CACNA1E: variants seen among roughly 807,000 people sequenced by gnomAD.
The protein encoded by CACNA1E is calcium voltage-gated channel subunit alpha1 E, also known as voltage-dependent R-type calcium channel subunit alpha-1E.
In CACNA1E, 40 loss-of-function variants were observed where a neutral mutation model predicts 259.2. The observed-to-expected ratio is 0.15, with a 90% confidence interval of 0.12 to 0.20. The LOEUF (loss-of-function observed/expected upper bound fraction) is 0.20. CACNA1E is among the 10% of genes least tolerant of loss of function. CACNA1E has a pLI of 1.00. For synonymous variants in CACNA1E, 1,104 were observed against 1,138.5 expected, an observed-to-expected ratio of 0.97 and a Z score of 0.61; for missense variants, 1,874 against 3,040.1, an observed-to-expected ratio of 0.62 and a Z score of 9.02.
intron 2 of CACNA1E, among the ~76,000 whole-genome samples, chr1:181,468,304 G>C (rs939424754): frequency 1.3e-5 from 2 of 152,170 alleles, no homozygotes; most frequent in Admixed American, 1.3e-4. Flanking sequence ...TTAGGTTTGC[G>C]AGTTGCACTT....
chr1:181,333,804 T>TACC (rs1339143682), intron 1 of CACNA1E, among the ~76,000 whole-genome samples: 1 of 152,108 alleles, frequency 6.6e-6, no homozygotes, highest in Non-Finnish European at 1.5e-5. Context: ...TACAGGCATG[T>TACC]ACCACCACGC....
intron 1 of CACNA1E, among the ~76,000 whole-genome samples, chr1:181,347,174 C>T (rs1366728236): frequency 6.6e-6 from 1 of 152,174 alleles, no homozygotes; most frequent in Admixed American, 6.5e-5. Flanking sequence ...CTACTGTATG[C>T]GCACCAGGAT....
At chr1:181,538,154 T>G (rs1668313482) in intron 3 of CACNA1E, among the ~76,000 whole-genome samples, 1 of 152,206 alleles carries the variant, frequency 6.6e-6, no homozygotes, top group Admixed American at 6.5e-5. Flanking sequence ...CAGCTCAATA[T>G]TTAAAATTTT....
chr1:181,330,562 C>T (rs924944080), intron 1 of CACNA1E, among the ~76,000 whole-genome samples: 3 of 152,224 alleles, frequency 2.0e-5, no homozygotes, highest in Non-Finnish European at 4.4e-5. Context: ...TGTTCTGTCC[C>T]CCTTGGGTGG....
intron 6 of CACNA1E, among the ~76,000 whole-genome samples, chr1:181,606,034 C>T (rs995669114): frequency 1.3e-5 from 2 of 152,114 alleles, no homozygotes; most frequent in Non-Finnish European, 2.9e-5. Context: ...GGTGCCATTA[C>T]ACCGTCCTGT....
At chr1:181,455,675 G>A (rs1661418812) in intron 2 of CACNA1E, among the ~76,000 whole-genome samples, 1 of 152,156 alleles carries the variant, frequency 6.6e-6, no homozygotes, top group African/African-American at 2.4e-5. Flanking sequence ...GTCAAAAACA[G>A]GCATACAAGA....
intron 3 of CACNA1E, among the ~76,000 whole-genome samples, chr1:181,554,549 C>T (rs79146144): frequency 3.3e-5 from 5 of 152,274 alleles, no homozygotes; most frequent in Non-Finnish European, 5.9e-5. Flanking sequence ...CAAGAAATCT[C>T]ATGCTAATTC....
At chr1:181,589,695 C>T (rs1001050962) in intron 6 of CACNA1E, among the ~76,000 whole-genome samples, 27 of 151,944 alleles carry the variant, frequency 1.8e-4, no homozygotes, top group African/African-American at 6.5e-4. Flanking sequence ...CATAGGTCAG[C>T]CTGGGCAACA....
chr1:181,682,216 C>T (rs1010565226), intron 7 of CACNA1E, among the ~76,000 whole-genome samples: 1 of 152,132 alleles, frequency 6.6e-6, no homozygotes, highest in Non-Finnish European at 1.5e-5. Flanking sequence ...ACACTGGGAC[C>T]CCGTGTGACC....
chr1:181,329,110 C>T (rs528835921), intron 1 of CACNA1E, among the ~76,000 whole-genome samples: 9 of 152,216 alleles, frequency 5.9e-5, no homozygotes, highest in South Asian at 4.2e-4. Flanking sequence ...TTCATCCACC[C>T]GCAAGTCCAG....
chr1:181,512,915 A>G (rs1666268994), intron 3 of CACNA1E, among the ~76,000 whole-genome samples: 1 of 152,226 alleles, frequency 6.6e-6, no homozygotes, highest in African/African-American at 2.4e-5. Flanking sequence ...TAATGTTGCA[A>G]ATGTCCCTAA....
intron 6 of CACNA1E, among the ~76,000 whole-genome samples, chr1:181,589,530 G>C (rs1266547136): frequency 6.6e-6 from 1 of 152,018 alleles, no homozygotes; most frequent in Non-Finnish European, 1.5e-5. Context: ...GAGATCTCTG[G>C]GAGGATTGAG....
intron 1 of CACNA1E, among the ~76,000 whole-genome samples, chr1:181,497,965 G>A (rs1664911443): frequency 6.6e-6 from 1 of 152,008 alleles, no homozygotes. Flanking sequence ...TTGCTATTTT[G>A]TCTTTCCCCC....
chr1:181,797,162 G>A (rs1328169055), intron 47 of CACNA1E, among the ~76,000 whole-genome samples: 1 of 152,140 alleles, frequency 6.6e-6, no homozygotes, highest in Admixed American at 6.5e-5. Context: ...GGAGAGGATG[G>A]TCCTTTAGCC....
intron 1 of CACNA1E, among the ~76,000 whole-genome samples, chr1:181,405,061 C>T (rs1279630878): frequency 6.6e-6 from 1 of 152,230 alleles, no homozygotes; most frequent in Non-Finnish European, 1.5e-5. Flanking sequence ...CCTTTGAAAG[C>T]CTGTGCTGCT....
intron 7 of CACNA1E, among the ~76,000 whole-genome samples, chr1:181,683,432 A>C (rs1422869064): frequency 2.6e-5 from 4 of 151,998 alleles, no homozygotes; most frequent in Non-Finnish European, 2.9e-5. Context: ...ATCAGATTTT[A>C]TTTCTTTCTT....
chr1:181,709,512 C>T (rs1391853981), intron 7 of CACNA1E, among the ~76,000 whole-genome samples: 3 of 152,202 alleles, frequency 2.0e-5, no homozygotes, highest in Non-Finnish European at 2.9e-5. Flanking sequence ...GGCGTCTTCC[C>T]TTTCCCTGCA....
chr1:181,483,028 T>G (rs926180017), upstream of CACNA1E, among the ~76,000 whole-genome samples: 3 of 152,244 alleles, frequency 2.0e-5, no homozygotes, highest in Non-Finnish European at 4.4e-5. Context: ...TATTTTGAGA[T>G]TTTGGGCATT....
chr1:181,596,517 G>A (rs1001050243), intron 6 of CACNA1E, among the ~76,000 whole-genome samples: 7 of 150,682 alleles, frequency 4.6e-5, no homozygotes, highest in African/African-American at 1.7e-4. Context: ...AGGTTTCAGG[G>A]AGTCTCATCT....
Sources: gnomAD v4.1 joint callset for allele counts (sites outside exome capture counted in the v4.1 genomes callset) on GRCh38, gnomAD v4.1.1 for gene constraint, MANE v1.5 for transcripts, NCBI Gene and HGNC (gene_info 2026-07-23, HGNC 2026-07-21) for gene names.